The following DCC variants were observed in gnomAD, a reference collection of about 807,000 sequenced individuals.
The protein encoded by DCC is netrin receptor DCC.
Under a neutral mutation model 172.5 loss-of-function variants are expected in DCC, and 58 were observed. The ratio of observed to expected loss-of-function variants is 0.34; its 90% confidence interval spans 0.27 to 0.42. The LOEUF is 0.42. Ranked by LOEUF, DCC falls within the 10% of genes least tolerant of loss-of-function variation. The probability of loss-of-function intolerance (pLI) is 1.00; values close to 1 mark genes in which losing one functional copy is unlikely to be tolerated. For synonymous variants in DCC, 709 were observed against 644.5 expected, an observed-to-expected ratio of 1.10 and a Z score of -1.52; for missense variants, 1,740 against 1,791.0, an observed-to-expected ratio of 0.97 and a Z score of 0.51.
intron 3 of DCC, among the ~76,000 whole-genome samples, chr18:52,920,648 T>G (rs999008689): frequency 1.6e-4 from 24 of 152,150 alleles, no homozygotes; most frequent in African/African-American, 5.8e-4. Flanking sequence ...GCTAAACAGT[T>G]TTACCATACA....
chr18:53,179,512 T>G (rs951321218), intron 9 of DCC, among the ~76,000 whole-genome samples: 18 of 152,340 alleles, frequency 1.2e-4, no homozygotes, highest in African/African-American at 4.3e-4. Flanking sequence ...ATACAATTTC[T>G]AAATCCAGGG....
rs762472193 is a variant in DCC, at chr18:52,752,037, G to C, written c.92-17G>C. 5 of 1,606,210 alleles carry C rather than the reference G, an allele frequency of 3.1e-6. No individual in the cohort carries two copies. The highest frequency in any genetic ancestry group is 4.3e-6 in the Non-Finnish European group (5 of 1,172,986). ...TTTGAATACATGAACATATTTCCCT[G>C]TGCTCTCTTGTTCCAGGTTTTCAAA... On this transcript the variant is annotated splice_polypyrimidine_tract_variant and intron_variant, in intron 1 of 28. Transcript: ENST00000442544.
intron 5 of DCC, among the ~76,000 whole-genome samples, chr18:53,032,882 C>G (rs1450352835): frequency 6.6e-6 from 1 of 152,090 alleles, no homozygotes; most frequent in African/African-American, 2.4e-5. Flanking sequence ...GTGACTCTCC[C>G]AGAAAACTCC....
intron 1 of DCC, among the ~76,000 whole-genome samples, chr18:52,619,707 C>T (rs2034445825): frequency 7.1e-6 from 1 of 140,858 alleles, no homozygotes; most frequent in Non-Finnish European, 1.6e-5. Flanking sequence ...CCATCATTTT[C>T]TGTCATATTC....
At position 53,077,396 on chromosome 18, in the gene DCC, C is replaced by T. The variant is rs565477605; in HGVS notation, c.1261+11230C>T. Among the ~76,000 whole-genome samples the T allele has an allele frequency of 2.1e-3, 327 of 152,202 alleles. 2 individuals are homozygous for T. The highest frequency in any genetic ancestry group is 2.2e-3 in the Non-Finnish European group (150 of 68,014). ...CCACATACCCACAGACCAAGCTGAC[C>T]ACCTGGTCATAAGTGTGAGTTAAAG... On this transcript the variant is annotated intron_variant, in intron 7 of 28. Transcript: ENST00000442544.
At chr18:53,018,346 T>C (rs911575977) in intron 5 of DCC, among the ~76,000 whole-genome samples, 2 of 152,172 alleles carry the variant, frequency 1.3e-5, no homozygotes, top group African/African-American at 4.8e-5. Flanking sequence ...ATTCTGAATA[T>C]AAGAATTTAC....
At chr18:53,255,138 G>A (rs929214410) in intron 12 of DCC, among the ~76,000 whole-genome samples, 2 of 151,862 alleles carry the variant, frequency 1.3e-5, no homozygotes, top group Non-Finnish European at 2.9e-5. Flanking sequence ...AGCTTCCTGG[G>A]TATTCCTATC....
intron 27 of DCC, among the ~76,000 whole-genome samples, chr18:53,516,066 T>A (rs2046330424): frequency 1.4e-5 from 2 of 145,872 alleles, no homozygotes; most frequent in African/African-American, 5.6e-5. Flanking sequence ...AAGGCTACAG[T>A]AACCAAAACA....
intron 1 of DCC, among the ~76,000 whole-genome samples, chr18:52,386,720 G>A (rs1022778478): frequency 3.9e-5 from 6 of 152,062 alleles, no homozygotes; most frequent in African/African-American, 1.4e-4. Context: ...TTAGAAATTA[G>A]GGAAAGAGAT....
chr18:52,876,547 T>C (rs1362660899), intron 2 of DCC, among the ~76,000 whole-genome samples: 6 of 152,250 alleles, frequency 3.9e-5, no homozygotes, highest in Non-Finnish European at 7.3e-5. Context: ...TCTCAAGCCA[T>C]AGAACTGTGC....
chr18:52,393,588 A>G (rs995851932), intron 1 of DCC, among the ~76,000 whole-genome samples: 18 of 152,114 alleles, frequency 1.2e-4, no homozygotes, highest in African/African-American at 4.3e-4. Flanking sequence ...AGCTTATTAC[A>G]GATGAAAATT....
At chr18:52,991,096 C>CAT (rs2041382133) in intron 5 of DCC, among the ~76,000 whole-genome samples, 1 of 152,158 alleles carries the variant, frequency 6.6e-6, no homozygotes, top group African/African-American at 2.4e-5. Context: ...AGCTTACCTA[C>CAT]ATATGGCTCG....
intron 12 of DCC, among the ~76,000 whole-genome samples, chr18:53,264,868 G>C (rs1255260817): frequency 6.6e-6 from 1 of 152,050 alleles, no homozygotes; most frequent in African/African-American, 2.4e-5. Context: ...AACAAATGTA[G>C]CTACTTTCAA....
chr18:53,057,079 T>TAAAAAAAAAAAA (rs11316527), intron 5 of DCC, among the ~76,000 whole-genome samples: 6 of 89,326 alleles, frequency 6.7e-5, no homozygotes, highest in East Asian at 3.6e-4. Flanking sequence ...CTTCTAAAAG[T>TAAAAAAAAAAAA]AAAAAAAAAA....
At chr18:52,952,153 C>T (rs1004901710) in intron 5 of DCC, among the ~76,000 whole-genome samples, 7 of 152,190 alleles carry the variant, frequency 4.6e-5, no homozygotes, top group Non-Finnish European at 8.8e-5. Context: ...AAATGAAATG[C>T]ATTTTTTTCC....
intron 25 of DCC, among the ~76,000 whole-genome samples, chr18:53,484,040 G>T (rs939271556): frequency 2.6e-5 from 4 of 151,690 alleles, no homozygotes; most frequent in African/African-American, 9.7e-5. Context: ...ATATATGAAT[G>T]AGTACTATAA....
At chr18:52,616,523 C>T (rs915913290) in intron 1 of DCC, among the ~76,000 whole-genome samples, 9 of 152,050 alleles carry the variant, frequency 5.9e-5, no homozygotes, top group African/African-American at 1.9e-4. Flanking sequence ...AACCTCACTG[C>T]GCTTGGCCCA....
chr18:53,342,865 TTA>T (rs1241316570), intron 15 of DCC, among the ~76,000 whole-genome samples: 1 of 147,838 alleles, frequency 6.8e-6, no homozygotes, highest in Non-Finnish European at 1.5e-5. Context: ...CATATGTATA[TTA>T]TATATATTTG....
At chr18:52,954,100 A>C (rs1278353221) in intron 5 of DCC, among the ~76,000 whole-genome samples, 1 of 152,238 alleles carries the variant, frequency 6.6e-6, no homozygotes, top group Non-Finnish European at 1.5e-5. Context: ...ACCTGTGTTC[A>C]ACTTCCCTTT....
Sources: allele counts gnomAD v4.1 joint callset (sites outside exome capture counted in the v4.1 genomes callset), GRCh38; gene constraint gnomAD v4.1.1; transcripts MANE v1.5; gene names NCBI Gene and HGNC (gene_info 2026-07-23, HGNC 2026-07-21).